The following PGM3 variants were observed in gnomAD, a reference collection of about 807,000 sequenced individuals.
The protein encoded by PGM3 is phosphoacetylglucosamine mutase.
In PGM3, 40 loss-of-function variants were observed where a neutral mutation model predicts 66.2. The ratio of observed to expected loss-of-function variants is 0.60; its 90% CI spans 0.47 to 0.79. The LOEUF (loss-of-function observed/expected upper bound fraction) is 0.79. PGM3 is among the 30% of genes least tolerant of loss of function. The probability of loss-of-function intolerance (pLI) is 0.00; values close to 1 mark genes in which losing one functional copy is unlikely to be tolerated. For missense variants in PGM3, 537 were observed against 643.4 expected, an observed-to-expected ratio of 0.83 and a Z score of 1.79; for synonymous variants, 191 against 224.2, an observed-to-expected ratio of 0.85 and a Z score of 1.32.
chr6:83,164,107 C>T (rs1784869938), downstream of PGM3, among the ~76,000 whole-genome samples: 1 of 146,952 alleles, frequency 6.8e-6, no homozygotes, highest in African/African-American at 2.5e-5. Context: ...ATCTAGTATG[C>T]AGTGTGTGCT....
In PGM3 at chr6:83,169,062, C is replaced by G. The variant is rs558298048; in HGVS notation, c.*172G>C. The G allele has an allele frequency of 1.2e-4, 168 of 1,412,668 alleles. 1 individual carries two copies. The South Asian group carries it at 2.5e-3, about 21-fold the overall frequency. The allele number at this position is 1,412,668 out of a possible 1,614,324, so 87.5% of individuals were successfully genotyped here. On this transcript the variant is annotated 3_prime_UTR_variant, in exon 13 of 13. Coordinates refer to ENST00000513973, the MANE Select transcript of PGM3 (RefSeq NM_015599.3). ...ATTTCTTTAACAAGTGTAAGGCTTA[C>G]CTATTTATAAAGAATTATTCTGTTA...
At chr6:83,181,385 T>C (rs1476317673) in intron 6 of PGM3, among the ~76,000 whole-genome samples, 1 of 152,194 alleles carries the variant, frequency 6.6e-6, no homozygotes, top group African/African-American at 2.4e-5. Context: ...GCAAATCCTA[T>C]GCCAGACCTC....
chr6:83,185,063 G>T (rs934613646), intron 4 of PGM3, among the ~76,000 whole-genome samples: 1 of 152,208 alleles, frequency 6.6e-6, no homozygotes, highest in Non-Finnish European at 1.5e-5. Flanking sequence ...GAAGAGTGAT[G>T]GTTCTAGCGA....
the PGM3 span, among the ~76,000 whole-genome samples, chr6:83,152,834 T>C: frequency 2.0e-5 from 3 of 152,078 alleles, no homozygotes; most frequent in African/African-American, 7.2e-5. Context: ...GCCAGGCTGG[T>C]CTCGAACTCC....
chr6:83,190,947 T>A lies in PGM3; in HGVS notation c.66A>T (p.Gln22His), dbSNP rs1043867547. 1.9e-6 allele frequency: 3 copies of A among 1,614,064 alleles called. No homozygotes were observed. The highest frequency in any genetic ancestry group is 2.2e-5 in the South Asian group (2 of 91,090). ...TCGTTCGAAATCCAGCAGTCCCGTATTGAAGGATCAGTCCATTGGGCTTGG... is the reference window on the plus strand; with the variant it reads ...TCGTTCGAAATCCAGCAGTCCCGTAATGAAGGATCAGTCCATTGGGCTTGG... The part of the protein sequence containing the change: ...LHAKPNGLIL[Q>H]YGTAGFRTKA... The change falls in exon 2 of 13, where the codon CAA (glutamine) becomes CAT (histidine). Residue 22 changes from glutamine to histidine, a missense_variant. Gln to His is a conservative substitution (Grantham distance 24). Coordinates refer to ENST00000513973, the MANE Select transcript of PGM3 (RefSeq NM_015599.3).
the PGM3 span, among the ~76,000 whole-genome samples, chr6:83,152,755 C>G: frequency 6.6e-6 from 1 of 151,644 alleles, no homozygotes; most frequent in South Asian, 2.1e-4. Flanking sequence ...GTAGTTGAGA[C>G]TACGGGTGTG....
downstream of PGM3, chr6:83,159,655 C>A: frequency 1.1e-6 from 1 of 908,272 alleles, no homozygotes; most frequent in Non-Finnish European, 1.7e-6. Context: ...AGTGACATTT[C>A]ATCATGACCT....
At chr6:83,162,094 A>G (rs148087512), downstream of PGM3, among the ~76,000 whole-genome samples, 143 of 152,166 alleles carry the variant, frequency 9.4e-4, 1 homozygote, top group African/African-American at 3.3e-3. Flanking sequence ...TTTAAAAGAG[A>G]GGGTTGGTTG....
the PGM3 span, chr6:83,148,966 A>G: frequency 6.2e-6 from 4 of 643,722 alleles, no homozygotes; most frequent in Non-Finnish European, 9.6e-6. Context: ...TGATCTCTCT[A>G]CCTTCTCATA....
downstream of PGM3, among the ~76,000 whole-genome samples, chr6:83,156,872 T>C (rs1782917510): frequency 6.6e-6 from 1 of 152,198 alleles, no homozygotes; most frequent in Admixed American, 6.5e-5. Context: ...CTACTCAAAG[T>C]ATGGTCCATG....
chr6:83,152,211 TAC>T, the PGM3 span: 8,597 of 685,414 alleles, frequency 0.013, 128 homozygotes, highest in African/African-American at 0.065. Flanking sequence ...ATAAAAATAA[TAC>T]ACACACACAC....
chr6:83,175,935 A>G, intron 9 of PGM3, 27 bp downstream of exon 9: 1 of 1,303,228 alleles, frequency 7.7e-7, no homozygotes, highest in Non-Finnish European at 1.1e-6. Flanking sequence ...GTGCCAGCTA[A>G]GGCCAACTAT....
chr6:83,150,719 A>G, the PGM3 span, among the ~76,000 whole-genome samples: 1 of 152,220 alleles, frequency 6.6e-6, no homozygotes, highest in Admixed American at 6.5e-5. Flanking sequence ...CAAATAATGA[A>G]AATGGAAATT....
chr6:83,162,250 A>T (rs2128423566), downstream of PGM3, among the ~76,000 whole-genome samples: 1 of 152,254 alleles, frequency 6.6e-6, no homozygotes, highest in Admixed American at 6.5e-5. Context: ...GTCGGATATT[A>T]CTTTTACTTA....
At chr6:83,148,802 A>G in the PGM3 span, 5 of 1,563,546 alleles carry the variant, frequency 3.2e-6, no homozygotes, top group Non-Finnish European at 4.3e-6. Context: ...GTCACTGTTG[A>G]TACTTCTGAA....
downstream of PGM3, chr6:83,164,641 C>T: frequency 6.4e-7 from 1 of 1,559,780 alleles, no homozygotes; most frequent in Non-Finnish European, 8.7e-7. Flanking sequence ...GCTGTGAGTT[C>T]TCCTCTTTCC....
chr6:83,152,391 G>A, the PGM3 span: 1 of 1,128,730 alleles, frequency 8.9e-7, no homozygotes, highest in Non-Finnish European at 1.2e-6. Context: ...TTTTTCACAT[G>A]AACTCTCAAG....
the PGM3 span, chr6:83,154,158 T>A: frequency 6.2e-7 from 1 of 1,613,002 alleles, no homozygotes; most frequent in Non-Finnish European, 8.5e-7. Flanking sequence ...TAATTACATG[T>A]TGTAATCCTT....
At chr6:83,163,101 C>T (rs533537913), downstream of PGM3, among the ~76,000 whole-genome samples, 18 of 151,984 alleles carry the variant, frequency 1.2e-4, no homozygotes, top group Non-Finnish European at 1.9e-4. Flanking sequence ...GAAAACATAT[C>T]GTATGTATTT....
Sources: allele counts gnomAD v4.1 joint callset (sites outside exome capture counted in the v4.1 genomes callset), GRCh38; gene constraint gnomAD v4.1.1; transcripts MANE v1.5; gene names NCBI Gene and HGNC (gene_info 2026-07-23, HGNC 2026-07-21).